The following DHX32 variants were observed in gnomAD, a reference collection of about 807,000 sequenced individuals.
DHX32 encodes the protein putative pre-mRNA-splicing factor ATP-dependent RNA helicase DHX32.
In DHX32, 51 loss-of-function variants were observed where a neutral mutation model predicts 70.0. The observed-to-expected ratio is 0.73, with a 90% CI of 0.58 to 0.92. The LOEUF is 0.92. DHX32 is among the 40% of genes least tolerant of loss of function. The probability of loss-of-function intolerance (pLI) is 0.00; values close to 1 mark genes in which losing one functional copy is unlikely to be tolerated. For synonymous variants in DHX32, 310 were observed against 315.3 expected (o/e 0.98, Z 0.18); for missense variants, 762 against 891.8 (o/e 0.85, Z 1.85).
intron 2 of DHX32, among the ~76,000 whole-genome samples, chr10:125,865,966 G>A (rs1030171267): frequency 6.6e-6 from 1 of 152,222 alleles, no homozygotes; most frequent in Admixed American, 6.5e-5. Flanking sequence ...ATATGAGCAC[G>A]TGAAAAACCA....
At chr10:125,895,156 A>AAT (rs1944440687) in intron 1 of DHX32, among the ~76,000 whole-genome samples, 1 of 152,282 alleles carries the variant, frequency 6.6e-6, no homozygotes, top group African/African-American at 2.4e-5. Flanking sequence ...AGAATATAAT[A>AAT]AATGTCAGTT....
At position 125,836,857 on chromosome 10, in the gene DHX32, T is replaced by C; in HGVS notation, c.2064-2A>G. 6.2e-7 allele frequency: 1 copy of C among 1,613,710 alleles called. No individual in the cohort carries two copies. The highest frequency in any genetic ancestry group is 8.5e-7 in the Non-Finnish European group (1 of 1,179,726). ...TATTGTGGTACCAGCTGCATAAATC[T>C]GTTTATTTAAGACAAAAAGATGAGA... On this transcript the variant is annotated splice_acceptor_variant, in intron 10 of 10. Coordinates refer to ENST00000284690, the MANE Select transcript of DHX32 (RefSeq NM_018180.3). LOFTEE classifies it high-confidence loss of function.
At chr10:125,882,390 T>C (rs1944322428), upstream of DHX32, among the ~76,000 whole-genome samples, 1 of 152,202 alleles carries the variant, frequency 6.6e-6, no homozygotes, top group African/African-American at 2.4e-5. Context: ...TAGTAAGTGA[T>C]AAGAAAAGCT....
At chr10:125,849,411 T>A (rs1273233668) in intron 6 of DHX32, among the ~76,000 whole-genome samples, 2 of 152,216 alleles carry the variant, frequency 1.3e-5, no homozygotes, top group Non-Finnish European at 2.9e-5. Context: ...TTATTTACTT[T>A]ATTGTTTCCA....
Position 125,880,585 on chromosome 10 carries a change from G to T in DHX32, c.240C>A (p.Ile80=). The change falls in exon 1 of 11, where the codon ATC becomes ATA. Residue 80 remains isoleucine (I), a synonymous_variant. Transcript: ENST00000284690. ...ATTTAGCATCTCCTGAAACAATCAC[G>T]ATTTGATTTTGAAGCAGGTTCTCCA... is the stretch of plus-strand genomic sequence containing the variant. ...SFMENLLQNQ[I]VIVSGDAKCG... 1 of 1,612,856 alleles carries T rather than the reference G, an allele frequency of 6.2e-7. No homozygotes were observed. The highest frequency in any genetic ancestry group is 8.5e-7 in the Non-Finnish European group (1 of 1,179,180).
At chr10:125,860,249 T>C (rs1944178189) in intron 2 of DHX32, among the ~76,000 whole-genome samples, 1 of 152,222 alleles carries the variant, frequency 6.6e-6, no homozygotes, top group South Asian at 2.1e-4. Context: ...TGCCTAAATG[T>C]TTATTACAAA....
At chr10:125,858,791 T>C (rs1455824601) in intron 3 of DHX32, among the ~76,000 whole-genome samples, 1 of 152,116 alleles carries the variant, frequency 6.6e-6, no homozygotes, top group East Asian at 1.9e-4. Context: ...GGCCAGGCAA[T>C]TAGTCTCCAT....
intron 1 of DHX32, among the ~76,000 whole-genome samples, chr10:125,889,481 T>G (rs564588679): frequency 6.6e-6 from 1 of 152,228 alleles, no homozygotes; most frequent in Non-Finnish European, 1.5e-5. Flanking sequence ...ACGTCAACTC[T>G]GGTGCTGGTT....
intron 3 of DHX32, among the ~76,000 whole-genome samples, chr10:125,857,263 G>A (rs1209465388): frequency 2.0e-5 from 3 of 152,238 alleles, no homozygotes; most frequent in African/African-American, 7.2e-5. Flanking sequence ...TTAGGCAGTA[G>A]ATGGGGTAAG....
At chr10:125,882,219 C>T (rs373609054), upstream of DHX32, among the ~76,000 whole-genome samples, 48 of 152,254 alleles carry the variant, frequency 3.2e-4, no homozygotes, top group South Asian at 9.6e-3. Flanking sequence ...CTCCTTTTCA[C>T]ATTAACCAGA....
At chr10:125,848,804 C>T (rs1351654995) in intron 6 of DHX32, among the ~76,000 whole-genome samples, 2 of 152,098 alleles carry the variant, frequency 1.3e-5, no homozygotes, top group Non-Finnish European at 2.9e-5. Flanking sequence ...TACTATACAC[C>T]AGTCACTTTT....
At chr10:125,847,585 T>A (rs1944037749) in intron 6 of DHX32, among the ~76,000 whole-genome samples, 1 of 152,162 alleles carries the variant, frequency 6.6e-6, no homozygotes, top group Non-Finnish European at 1.5e-5. Flanking sequence ...TGGAAGACAA[T>A]TTTTCCACAG....
chr10:125,853,219 G>T, intron 4 of DHX32: 1 of 1,611,534 alleles, frequency 6.2e-7, no homozygotes, highest in South Asian at 1.1e-5. Context: ...GAACCTTCAT[G>T]ACTGTTGGAA....
At chr10:125,867,789 C>T (rs996684522) in intron 1 of DHX32, among the ~76,000 whole-genome samples, 6 of 150,622 alleles carry the variant, frequency 4.0e-5, no homozygotes, top group African/African-American at 1.5e-4. Flanking sequence ...ATACTTTCAA[C>T]CTCAACTGTG....
rs1441302047 is a variant in DHX32 at position 125,851,975 on chromosome 10, ATTC to A, written c.1351+315_1351+317del. Among the ~76,000 whole-genome samples, 5 of 151,816 alleles carry A rather than the reference ATTC, an allele frequency of 3.3e-5. 1 individual carries two copies. The highest frequency in any genetic ancestry group is 7.4e-5 in the Non-Finnish European group (5 of 67,966). On this transcript the variant is annotated intron_variant, in intron 6 of 10. Transcript: ENST00000284690. Reference sequence around the variant, plus strand: ...AAAAGGACAATTCAAGCTGCTGAGAATTCTTCTTTCTGCTGATTCACCCTTACG... The same window carrying A: ...AAAAGGACAATTCAAGCTGCTGAGAATTCTTTCTGCTGATTCACCCTTACG...
chr10:125,873,018 A>T (rs1944264354), intron 1 of DHX32, among the ~76,000 whole-genome samples: 1 of 152,186 alleles, frequency 6.6e-6, no homozygotes, highest in South Asian at 2.1e-4. Flanking sequence ...CAGCACACAG[A>T]GGTTGGGCTG....
chr10:125,843,863 A>G (rs1271479864), intron 6 of DHX32, among the ~76,000 whole-genome samples: 1 of 152,238 alleles, frequency 6.6e-6, no homozygotes, highest in Non-Finnish European at 1.5e-5. Context: ...AAACCACCCA[A>G]GGGAAATCTG....
Position 125,866,722 on chromosome 10 carries a change from AG to A in DHX32, c.476+267del, listed in dbSNP as rs1282206064. Among the ~76,000 whole-genome samples the A allele has an allele frequency of 6.6e-6, 1 of 152,248 alleles. No homozygotes were observed. Among genetic ancestry groups the A allele is most frequent in the East Asian group, 1.9e-4 (1 of 5,200 alleles). The stretch of plus-strand genomic sequence containing the variant: ...ACCCTGCATGAGGCATAGCTCCAGA[AG>A]CACACGCTTGAAGGTTCTGAGGGGC... On this transcript the variant is annotated intron_variant, in intron 2 of 10. Transcript: ENST00000284690. This position sits in a 1 kb window ranked among gnomAD's most constrained non-coding sequence, Gnocchi z 4.8.
At chr10:125,879,868 T>A (rs1371139444) in intron 1 of DHX32, among the ~76,000 whole-genome samples, 1 of 152,210 alleles carries the variant, frequency 6.6e-6, no homozygotes, top group Admixed American at 6.5e-5. Flanking sequence ...GGTCTTGAAC[T>A]CCTGGGCTCA....
Sources: gnomAD v4.1 joint callset for allele counts (sites outside exome capture counted in the v4.1 genomes callset) on GRCh38, gnomAD v4.1.1 for gene constraint, Gnocchi (gnomAD v3.1) non-coding constraint, MANE v1.5 for transcripts, NCBI Gene and HGNC (gene_info 2026-07-23, HGNC 2026-07-21) for gene names.